The following PVT1 variants were observed in gnomAD, a reference collection of about 807,000 sequenced individuals.
PVT1 encodes the protein Pvt1 oncogene.
intron 2 of PVT1, among the ~76,000 whole-genome samples, chr8:127,869,206 C>T (rs1815324734): frequency 6.6e-6 from 1 of 152,102 alleles, no homozygotes; most frequent in South Asian, 2.1e-4. Flanking sequence ...GTTCGGCTCA[C>T]TGCAACCTCC....
intron 4 of PVT1, among the ~76,000 whole-genome samples, chr8:128,058,041 CCT>C (rs1244906577): frequency 1.3e-5 from 2 of 152,168 alleles, no homozygotes; most frequent in African/African-American, 4.8e-5. Context: ...AGCTGGGGCT[CCT>C]CTCTGCAAAT....
intron 2 of PVT1, among the ~76,000 whole-genome samples, chr8:127,797,848 G>T (rs1814415369): frequency 6.6e-6 from 1 of 152,136 alleles, no homozygotes; most frequent in Non-Finnish European, 1.5e-5. Flanking sequence ...AAAATAGGAT[G>T]ATTATTGTTG....
Position 127,857,881 on chromosome 8 carries a change from C to T in PVT1, n.373-32708C>T, listed in dbSNP as rs117527128. ...TGTGTTTTCTTTTGTGAGTTGAAAC[C>T]GTCTTCAAATGAGTCTTCAAAGTGC... On this transcript the variant is annotated intron_variant and non_coding_transcript_variant, in intron 2 of 10. Coordinates refer to ENST00000651587, the Ensembl canonical transcript of PVT1. Among the ~76,000 whole-genome samples the T allele has an allele frequency of 1.9e-3, 286 of 152,206 alleles. 1 individual carries two copies. Among genetic ancestry groups the T allele is most frequent in the Non-Finnish European group, 3.4e-3 (234 of 68,004 alleles).
At chr8:127,992,213 C>G (rs1346135424) in intron 4 of PVT1, among the ~76,000 whole-genome samples, 2 of 152,084 alleles carry the variant, frequency 1.3e-5, no homozygotes, top group Non-Finnish European at 2.9e-5. Flanking sequence ...TGGTGAAACC[C>G]TGTCTCTATT....
At chr8:128,079,081 G>A (rs1333140910) in intron 5 of PVT1, among the ~76,000 whole-genome samples, 2 of 146,388 alleles carry the variant, frequency 1.4e-5, no homozygotes, top group East Asian at 2.0e-4. Flanking sequence ...TTTTCCACAA[G>A]CATTGTCCAC....
At chr8:127,807,323 T>G (rs1437030494) in intron 2 of PVT1, among the ~76,000 whole-genome samples, 2 of 152,224 alleles carry the variant, frequency 1.3e-5, no homozygotes, top group South Asian at 2.1e-4. Context: ...ATTGCTTTTT[T>G]TAAATTCAAT....
chr8:128,082,226 T>A (rs559531726), intron 5 of PVT1, among the ~76,000 whole-genome samples: 74 of 152,302 alleles, frequency 4.9e-4, no homozygotes, highest in African/African-American at 1.7e-3. Context: ...CTAGCCACAA[T>A]TTAGAGATAA....
At chr8:127,986,914 G>T (rs554836160) in intron 3 of PVT1, among the ~76,000 whole-genome samples, 1 of 152,282 alleles carries the variant, frequency 6.6e-6, no homozygotes, top group Admixed American at 6.5e-5. Context: ...AACGTGCTGG[G>T]TTATTGCAAC....
At chr8:127,810,489 C>T (rs1204546208) in intron 2 of PVT1, among the ~76,000 whole-genome samples, 2 of 152,162 alleles carry the variant, frequency 1.3e-5, no homozygotes, top group South Asian at 2.1e-4. Context: ...TGGCCCTGGG[C>T]GAGGAATCTG....
chr8:128,055,134 A>C (rs1813748306), intron 4 of PVT1, among the ~76,000 whole-genome samples: 1 of 152,154 alleles, frequency 6.6e-6, no homozygotes, highest in Non-Finnish European at 1.5e-5. Context: ...AATTCCTTAT[A>C]ATCTCTCTAT....
At chr8:127,846,980 C>CTTTTTTTTTTT (rs34437112) in intron 2 of PVT1, among the ~76,000 whole-genome samples, 26 of 62,418 alleles carry the variant, frequency 4.2e-4, no homozygotes, top group Admixed American at 6.1e-4. Context: ...TGCACATGGC[C>CTTTTTTTTTTT]TTTTTTTTTT....
intron 4 of PVT1, among the ~76,000 whole-genome samples, chr8:128,060,572 T>C (rs1813818151): frequency 6.6e-6 from 1 of 152,154 alleles, no homozygotes; most frequent in Admixed American, 6.5e-5. Context: ...AGCAGACAAC[T>C]CCTCAACCTT....
chr8:127,860,804 CT>C (rs1815218251), intron 2 of PVT1, among the ~76,000 whole-genome samples: 1 of 145,834 alleles, frequency 6.9e-6, no homozygotes. Flanking sequence ...AAGGCGACAA[CT>C]GTGAGCTTTC....
chr8:127,916,621 A>T (rs1815988532), intron 3 of PVT1, among the ~76,000 whole-genome samples: 1 of 152,102 alleles, frequency 6.6e-6, no homozygotes, highest in African/African-American at 2.4e-5. Context: ...ATTTTCTCTC[A>T]TAGTAGGAAT....
chr8:128,026,075 T>A (rs1809881), intron 4 of PVT1, among the ~76,000 whole-genome samples: 48,617 of 151,886 alleles, frequency 0.32, 8,495 homozygotes, highest in South Asian at 0.49. Context: ...CCAGAGTAGC[T>A]GGGATTACAG....
intron 3 of PVT1, among the ~76,000 whole-genome samples, chr8:127,938,058 C>G (rs1816300828): frequency 6.6e-6 from 1 of 152,156 alleles, no homozygotes. Flanking sequence ...CTGGGAATCA[C>G]TGGCCTTGTA....
intron 3 of PVT1, among the ~76,000 whole-genome samples, chr8:127,903,154 T>C (rs917789514): frequency 6.6e-6 from 1 of 152,236 alleles, no homozygotes; most frequent in African/African-American, 2.4e-5. Context: ...TGTATCTCAT[T>C]GTGGTTTTGA....
exon 2 of PVT1, chr8:127,796,034 G>A (rs895434352): frequency 1.2e-5 from 2 of 170,426 alleles, no homozygotes; most frequent in African/African-American, 4.8e-5. Context: ...GTGGTCTAAA[G>A]CTTCGGCACA....
intron 5 of PVT1, chr8:128,082,624 A>G (rs557436990): frequency 4.6e-5 from 7 of 152,382 alleles, no homozygotes; most frequent in Admixed American, 1.3e-4. Flanking sequence ...TAAACTAGAT[A>G]TGGTAATGGC....
Sources: allele counts gnomAD v4.1 joint callset (sites outside exome capture counted in the v4.1 genomes callset), GRCh38; gene constraint gnomAD v4.1.1; transcripts MANE v1.5; gene names NCBI Gene and HGNC (gene_info 2026-07-23, HGNC 2026-07-21).